Variants in P2RX7 observed in about 807,000 individuals in gnomAD.
P2RX7 encodes the protein purinergic receptor P2X 7, also known as P2X purinoceptor 7.
A neutral mutation model predicts 71.6 loss-of-function variants in P2RX7; 62 were observed. That is an observed-to-expected ratio of 0.87 (90% CI 0.71 to 1.07). The LOEUF (loss-of-function observed/expected upper bound fraction) is 1.07. P2RX7 is among the 50% of genes least tolerant of loss of function. The pLI, the probability that P2RX7 is intolerant of heterozygous loss-of-function variation, is 0.00. For synonymous variants in P2RX7, 299 were observed against 283.3 expected, an observed-to-expected ratio of 1.06 and a Z score of -0.56; for missense variants, 686 against 748.5, an observed-to-expected ratio of 0.92 and a Z score of 0.97.
At chr12:121,163,941 G>T (rs1285736259) in intron 5 of P2RX7, among the ~76,000 whole-genome samples, 1 of 152,032 alleles carries the variant, frequency 6.6e-6, no homozygotes, top group Non-Finnish European at 1.5e-5. Context: ...CGGGATGGGG[G>T]GTGCGCTCAG....
chr12:121,134,520 T>C (rs1184411503), intron 1 of P2RX7, among the ~76,000 whole-genome samples: 5 of 152,148 alleles, frequency 3.3e-5, no homozygotes, highest in Non-Finnish European at 2.9e-5. Flanking sequence ...GCCTCATGAG[T>C]AGCTGGGATT....
In P2RX7 at chr12:121,186,262, G is replaced by A. The variant is rs1884882702; in HGVS notation, c.*1460G>A. The A allele has an allele frequency of 6.6e-6, 1 of 152,128 alleles. No homozygotes were observed. Among genetic ancestry groups the A allele is most frequent in the Non-Finnish European group, 1.5e-5 (1 of 68,038 alleles). 9.4% of individuals were successfully genotyped at this position (152,128 alleles called of 1,614,324 possible). A position where few individuals can be genotyped will look rare whatever the true frequency, so the allele number is the denominator to read the frequency against. ...ATACCGCATGATACATCCCAAGTGA[G>A]AACTGCCCCATAAATCCAGAAAACC... is the stretch of plus-strand genomic sequence containing the variant. On this transcript the variant is annotated 3_prime_UTR_variant, in exon 13 of 13. Transcript: ENST00000328963.
intron 1 of P2RX7, among the ~76,000 whole-genome samples, chr12:121,134,319 G>A (rs1043744722): frequency 1.3e-5 from 2 of 152,198 alleles, no homozygotes; most frequent in African/African-American, 4.8e-5. Context: ...TATCAGCAGA[G>A]TATGAGGGAT....
chr12:121,152,623 G>T (rs945300559), intron 1 of P2RX7, among the ~76,000 whole-genome samples: 18 of 152,220 alleles, frequency 1.2e-4, no homozygotes, highest in African/African-American at 3.6e-4. Flanking sequence ...AGGTTCAAGC[G>T]ATTCTCCTGC....
chr12:121,143,478 T>C (rs752687341), intron 1 of P2RX7, among the ~76,000 whole-genome samples: 5 of 151,512 alleles, frequency 3.3e-5, no homozygotes, highest in Non-Finnish European at 5.9e-5. Flanking sequence ...TGCTTGATCC[T>C]GGGAGGTTGA....
chr12:121,180,475 CTTTT>C lies in P2RX7; in HGVS notation c.1290+31_1290+34del. ...GTCCCAGTAAGTTAAATCATTTTGT[CTTTT>C]TTTTTTTTTTAAGAAAATTTACTGT... is the stretch of plus-strand genomic sequence containing the variant. On this transcript the variant is annotated intron_variant, in intron 12 of 12. Transcript: ENST00000328963. The C allele has an allele frequency of 5.0e-6, 5 of 1,009,546 alleles. No homozygotes were observed. Among genetic ancestry groups the C allele is most frequent in the Admixed American group, 2.7e-5 (1 of 36,882 alleles). 62.5% of individuals were successfully genotyped at this position (1,009,546 alleles called of 1,614,324 possible).
chr12:121,140,713 G>A (rs551067997), intron 1 of P2RX7, among the ~76,000 whole-genome samples: 4 of 152,282 alleles, frequency 2.6e-5, no homozygotes, highest in Admixed American at 6.5e-5. Context: ...GGAGACTGCC[G>A]TGAGCTGTGA....
At chr12:121,165,222 A>G in intron 5 of P2RX7, 135 bp from the exon 6 acceptor site, 1 of 651,474 alleles carries the variant, frequency 1.5e-6, no homozygotes, top group Non-Finnish European at 2.7e-6. Flanking sequence ...TTTGCCCACT[A>G]GGTTTGCTGT....
chr12:121,167,890 C>A (rs1212825337), intron 8 of P2RX7, among the ~76,000 whole-genome samples: 1 of 151,182 alleles, frequency 6.6e-6, no homozygotes, highest in Non-Finnish European at 1.5e-5. Flanking sequence ...TCAGTCACTG[C>A]AAACTTCCGC....
chr12:121,146,287 C>CTTTTTTT (rs35415599), intron 1 of P2RX7, among the ~76,000 whole-genome samples: 3 of 80,412 alleles, frequency 3.7e-5, no homozygotes, highest in Non-Finnish European at 6.6e-5. Context: ...TCAAGCCTCT[C>CTTTTTTT]TTTTTTTTTT....
At chr12:121,174,384 G>T (rs1031198620) in intron 8 of P2RX7, among the ~76,000 whole-genome samples, 4 of 152,010 alleles carry the variant, frequency 2.6e-5, no homozygotes, top group Admixed American at 1.3e-4. Flanking sequence ...ACCTGTAGTG[G>T]TGCACGCTTG....
intron 11 of P2RX7, among the ~76,000 whole-genome samples, chr12:121,178,221 G>A (rs142255345): frequency 6.6e-6 from 1 of 152,282 alleles, no homozygotes; most frequent in African/African-American, 2.4e-5. Flanking sequence ...AAGCAGGATT[G>A]TTTATTAAAT....
At chr12:121,137,857 C>T (rs1874019736) in intron 1 of P2RX7, among the ~76,000 whole-genome samples, 1 of 152,236 alleles carries the variant, frequency 6.6e-6, no homozygotes, top group Non-Finnish European at 1.5e-5. Context: ...GCTGTCCCTA[C>T]TGGGGCTGCA....
At chr12:121,181,924 C>T (rs762768858) in intron 12 of P2RX7, among the ~76,000 whole-genome samples, 5 of 151,970 alleles carry the variant, frequency 3.3e-5, no homozygotes, top group African/African-American at 4.8e-5. Context: ...ATTAGCCAGG[C>T]GTGGTGGTGC....
In P2RX7 at chr12:121,134,890, A is replaced by G. The variant is rs911714984; in HGVS notation, c.125+1795A>G. On this transcript the variant is annotated intron_variant, in intron 1 of 12. Transcript: ENST00000328963. ...GGTAACTTATTTCATAGTACTGGCT[A>G]TGTCTTCTGGGCCAAGTCATTAACT... Among the ~76,000 whole-genome samples, 2 of 151,692 alleles carry G rather than the reference A, an allele frequency of 1.3e-5. 1 individual carries two copies. Among genetic ancestry groups the G allele is most frequent in the South Asian group, 4.2e-4 (2 of 4,814 alleles).
At chr12:121,171,294 G>A (rs937463787) in intron 8 of P2RX7, among the ~76,000 whole-genome samples, 12 of 151,072 alleles carry the variant, frequency 7.9e-5, no homozygotes, top group South Asian at 2.1e-4. Context: ...TTATAGCAGC[G>A]TCCCACAAAT....
At chr12:121,147,265 C>T (rs769695866) in intron 1 of P2RX7, among the ~76,000 whole-genome samples, 6 of 152,138 alleles carry the variant, frequency 3.9e-5, no homozygotes, top group Non-Finnish European at 7.3e-5. Flanking sequence ...TTCATGACAC[C>T]GTTTATTCAG....
rs190566233 is a variant in P2RX7, at chr12:121,145,786, G to C, written c.126-8999G>C. On this transcript the variant is annotated intron_variant, in intron 1 of 12. Coordinates refer to ENST00000328963, the MANE Select transcript of P2RX7 (RefSeq NM_002562.6). ...CTCCCAAAGTGCTGGGATTACAGGC[G>C]TGAGCCACCGTACCCGGCCTGGTGA... 1.7e-3 allele frequency among the ~76,000 whole-genome samples: 261 copies of C among 152,190 alleles called. 6 individuals carry two copies. In the East Asian group the frequency reaches 0.035, roughly 20 times the overall value.
At chr12:121,164,935 T>C (rs1318764028) in intron 5 of P2RX7, among the ~76,000 whole-genome samples, 1 of 152,116 alleles carries the variant, frequency 6.6e-6, no homozygotes, top group African/African-American at 2.4e-5. Context: ...AAACACATCT[T>C]ACCATGATGG....
Sources: allele counts gnomAD v4.1 joint callset (sites outside exome capture counted in the v4.1 genomes callset), GRCh38; gene constraint gnomAD v4.1.1; transcripts MANE v1.5; gene names NCBI Gene and HGNC (gene_info 2026-07-23, HGNC 2026-07-21).